Variants in TGFB2 observed in about 807,000 individuals in gnomAD.
TGFB2 encodes the protein transforming growth factor beta 2, also known as transforming growth factor beta-2 proprotein.
A neutral mutation model predicts 42.7 loss-of-function variants in TGFB2; 13 were observed. That is an observed-to-expected ratio of 0.30 (90% CI 0.20 to 0.48). The LOEUF (loss-of-function observed/expected upper bound fraction) is 0.48. Among genes scored for constraint, TGFB2 ranks in the 20% least tolerant of loss-of-function variants. The probability of loss-of-function intolerance (pLI) is 0.99; values close to 1 mark genes in which losing one functional copy is unlikely to be tolerated. For synonymous variants in TGFB2, 193 were observed against 193.6 expected (o/e 1.00, Z 0.03); for missense variants, 390 against 517.5 (o/e 0.75, Z 2.39).
intron 1 of TGFB2, among the ~76,000 whole-genome samples, chr1:218,363,158 A>C (rs1657273486): frequency 6.6e-6 from 1 of 152,206 alleles, no homozygotes; most frequent in Admixed American, 6.5e-5. Flanking sequence ...AAAATCTGGA[A>C]TCCTCCTTAG....
intron 5 of TGFB2, among the ~76,000 whole-genome samples, 163 bp from the exon 6 acceptor site, chr1:218,437,180 A>G (rs1659997037): frequency 6.6e-6 from 1 of 152,202 alleles, no homozygotes; most frequent in Non-Finnish European, 1.5e-5. Flanking sequence ...GTCACTTGAG[A>G]TTACAATAAA....
Position 218,443,604 on chromosome 1 carries a change from A to T in TGFB2, c.*2242A>T, listed in dbSNP as rs1000525997. On this transcript the variant is annotated 3_prime_UTR_variant, in exon 7 of 7. Transcript: ENST00000366930. ...GTAAATCACTTTTATTTCTGCAGAC[A>T]TTTTCCTCTCAGATAGGATGACATT... 4.0e-5 allele frequency: 6 copies of T among 151,362 alleles called. 1 individual carries two copies. The highest frequency in any genetic ancestry group is 7.4e-5 in the Non-Finnish European group (5 of 67,882). The allele number at this position is 151,362 out of a possible 1,614,324, so 9.4% of individuals were successfully genotyped here. A position where few individuals can be genotyped will look rare whatever the true frequency, so the allele number is the denominator to read the frequency against.
chr1:218,352,219 C>T (rs1401869539), intron 1 of TGFB2, among the ~76,000 whole-genome samples: 1 of 151,724 alleles, frequency 6.6e-6, no homozygotes, highest in Non-Finnish European at 1.5e-5. Flanking sequence ...TAGCCCCTTC[C>T]GCTATCTTGA....
chr1:218,382,543 C>G lies in TGFB2; in HGVS notation c.347-22626C>G, dbSNP rs979730699. Among the ~76,000 whole-genome samples the G allele has an allele frequency of 2.0e-5, 3 of 152,256 alleles. No individual in the cohort carries two copies. The South Asian group carries it at 6.2e-4, about 32-fold the overall frequency. The stretch of plus-strand genomic sequence containing the variant: ...AGTGACTTATTTTTAAGCAGTTGAT[C>G]ATACTTCTGAATTAAAGTATTCATA... On this transcript the variant is annotated intron_variant, in intron 1 of 6. Transcript: ENST00000366930.
chr1:218,397,118 A>C (rs1368298342), intron 1 of TGFB2, among the ~76,000 whole-genome samples: 2 of 151,892 alleles, frequency 1.3e-5, no homozygotes, highest in Non-Finnish European at 2.9e-5. Flanking sequence ...AATACAAAAA[A>C]TTAGCCAGGC....
At chr1:218,415,887 G>A (rs565197710) in intron 2 of TGFB2, among the ~76,000 whole-genome samples, 2 of 151,874 alleles carry the variant, frequency 1.3e-5, no homozygotes, top group Admixed American at 6.6e-5. Flanking sequence ...CACAAGATGC[G>A]GAAGGAGTAG....
At chr1:218,404,409 G>C (rs917708376) in intron 1 of TGFB2, among the ~76,000 whole-genome samples, 1 of 152,200 alleles carries the variant, frequency 6.6e-6, no homozygotes, top group South Asian at 2.1e-4. Context: ...GACCCACTGT[G>C]CCCGTCCTTC....
chr1:218,376,860 A>T (rs766945557), intron 1 of TGFB2, among the ~76,000 whole-genome samples: 1 of 152,222 alleles, frequency 6.6e-6, no homozygotes, highest in Non-Finnish European at 1.5e-5. Flanking sequence ...GCAAAGTTCA[A>T]TCCAAACACA....
At chr1:218,426,915 A>G (rs1018089431) in intron 2 of TGFB2, among the ~76,000 whole-genome samples, 1 of 152,200 alleles carries the variant, frequency 6.6e-6, no homozygotes, top group Non-Finnish European at 1.5e-5. Context: ...TTACCAATCC[A>G]TGTCATTTTG....
chr1:218,411,864 C>CAA (rs34140547), intron 2 of TGFB2, among the ~76,000 whole-genome samples: 2,882 of 88,718 alleles, frequency 0.032, 99 homozygotes, highest in African/African-American at 0.089. Context: ...AATTCAGTCT[C>CAA]AAAAAAAAAA....
intron 1 of TGFB2, among the ~76,000 whole-genome samples, chr1:218,402,836 A>G (rs916208218): frequency 6.6e-6 from 1 of 152,230 alleles, no homozygotes. Flanking sequence ...CTCTGCGAAG[A>G]TGAATGCAGC....
At chr1:218,379,126 C>CTTTTT (rs748882381) in intron 1 of TGFB2, among the ~76,000 whole-genome samples, 36 of 143,778 alleles carry the variant, frequency 2.5e-4, no homozygotes, top group African/African-American at 8.0e-4. Context: ...TTCTTTCTTT[C>CTTTTT]TTTCTTTTTT....
intron 2 of TGFB2, among the ~76,000 whole-genome samples, chr1:218,408,813 C>A (rs1288045251): frequency 6.6e-6 from 1 of 152,046 alleles, no homozygotes; most frequent in African/African-American, 2.4e-5. Context: ...CACCAGGGAC[C>A]AGTTTTGTGG....
At chr1:218,424,105 A>G (rs1659543736) in intron 2 of TGFB2, among the ~76,000 whole-genome samples, 1 of 152,198 alleles carries the variant, frequency 6.6e-6, no homozygotes, top group South Asian at 2.1e-4. Flanking sequence ...GTGAAATTCC[A>G]CTTTTTTCTG....
chr1:218,411,924 C>G (rs1345964841), intron 2 of TGFB2, among the ~76,000 whole-genome samples: 2 of 151,412 alleles, frequency 1.3e-5, no homozygotes, highest in Non-Finnish European at 2.9e-5. Flanking sequence ...TTGCCTTACT[C>G]TATTAATCAA....
intron 1 of TGFB2, among the ~76,000 whole-genome samples, chr1:218,379,791 C>T (rs1397504805): frequency 6.6e-6 from 1 of 152,116 alleles, no homozygotes; most frequent in Non-Finnish European, 1.5e-5. Flanking sequence ...CATTTTCTTT[C>T]ACATGCTTTT....
intron 2 of TGFB2, among the ~76,000 whole-genome samples, chr1:218,429,719 G>A (rs886369015): frequency 5.3e-5 from 8 of 152,120 alleles, no homozygotes; most frequent in Non-Finnish European, 8.8e-5. Context: ...TCTTTATGAA[G>A]ACTTTCCAAG....
intron 1 of TGFB2, among the ~76,000 whole-genome samples, chr1:218,363,849 C>G (rs1558228526): frequency 6.6e-6 from 1 of 152,092 alleles, no homozygotes; most frequent in African/African-American, 2.4e-5. Context: ...TGTTTCTTGT[C>G]CTGAACCAAA....
rs115377481 is a variant in TGFB2, at chr1:218,364,517, A to T, written c.346+17470A>T. Among the ~76,000 whole-genome samples, 1,284 of 152,328 alleles carry T rather than the reference A, an allele frequency of 8.4e-3. 20 individuals carry two copies. The highest frequency in any genetic ancestry group is 0.029 in the African/African-American group (1,214 of 41,572). ...TCAGGAAAAAAGGAAACAGACTTGC[A>T]ATCCTGGCATTGGTTCACTGCATAT... On this transcript the variant is annotated intron_variant, in intron 1 of 6. Coordinates refer to ENST00000366930, the MANE Select transcript of TGFB2 (RefSeq NM_003238.6).
Sources: gnomAD v4.1 joint callset for allele counts (sites outside exome capture counted in the v4.1 genomes callset) on GRCh38, gnomAD v4.1.1 for gene constraint, MANE v1.5 for transcripts, NCBI Gene and HGNC (gene_info 2026-07-23, HGNC 2026-07-21) for gene names.